Variants in DNAJC1 observed in about 807,000 individuals in gnomAD.
DNAJC1 encodes DnaJ heat shock protein family (Hsp40) member C1, also known as dnaJ homolog subfamily C member 1.
Under a neutral mutation model 76.6 loss-of-function variants are expected in DNAJC1, and 58 were observed. The ratio of observed to expected loss-of-function variants is 0.76; its 90% CI spans 0.61 to 0.94. The LOEUF is 0.94. DNAJC1 is among the 40% of genes least tolerant of loss of function. DNAJC1 has a pLI of 0.00. For synonymous variants in DNAJC1, 258 were observed against 267.9 expected (o/e 0.96, Z 0.36); for missense variants, 689 against 677.3 (o/e 1.02, Z -0.19).
rs561143181 is a variant in DNAJC1 at position 21,969,223 on chromosome 10, CAAAAAAAAAAA to C, written c.222+33979_222+33989del. 7.3e-3 allele frequency among the ~76,000 whole-genome samples: 635 copies of C among 87,078 alleles called. 4 individuals carry two copies. Among genetic ancestry groups the C allele is most frequent in the African/African-American group, 0.026 (585 of 22,446 alleles). The allele number at this position is 87,078 out of a possible 152,430, so 57.1% of individuals were successfully genotyped here. A position where few individuals can be genotyped will look rare whatever the true frequency, so the allele number is the denominator to read the frequency against. On this transcript the variant is annotated intron_variant, in intron 1 of 11. Coordinates refer to ENST00000376980, the MANE Select transcript of DNAJC1 (RefSeq NM_022365.4). ...TGGGCAATAGAGCGAGACTCCATTT[CAAAAAAAAAAA>C]AAAAAAAAAGGAGGAAAATCCTAGG...
At chr10:21,995,834 G>A (rs1008210742) in intron 1 of DNAJC1, among the ~76,000 whole-genome samples, 2 of 152,078 alleles carry the variant, frequency 1.3e-5, no homozygotes, top group Non-Finnish European at 2.9e-5. Flanking sequence ...GCTTAATTTA[G>A]TATTACATAA....
At chr10:21,795,624 T>C (rs1834742712) in intron 9 of DNAJC1, among the ~76,000 whole-genome samples, 2 of 152,206 alleles carry the variant, frequency 1.3e-5, no homozygotes, top group Admixed American at 1.3e-4. Flanking sequence ...ATTGTGGCGA[T>C]TTCACAACTC....
chr10:21,805,716 A>C (rs1347580201), intron 9 of DNAJC1, among the ~76,000 whole-genome samples: 1 of 152,186 alleles, frequency 6.6e-6, no homozygotes, highest in Non-Finnish European at 1.5e-5. Context: ...ATAAACATAA[A>C]AACTGGCATT....
chr10:21,813,212 C>CTATA (rs1564794844), intron 8 of DNAJC1, among the ~76,000 whole-genome samples: 34 of 52,068 alleles, frequency 6.5e-4, no homozygotes, highest in Admixed American at 7.7e-4. Flanking sequence ...CTCTCTCTCT[C>CTATA]TCTCTCTCTA....
At chr10:21,987,098 C>T (rs539167037) in intron 1 of DNAJC1, among the ~76,000 whole-genome samples, 7 of 152,128 alleles carry the variant, frequency 4.6e-5, no homozygotes, top group Non-Finnish European at 8.8e-5. Flanking sequence ...CATATCAATT[C>T]GGAAGCCAAA....
At chr10:21,959,745 C>T (rs1041114252) in intron 1 of DNAJC1, among the ~76,000 whole-genome samples, 17 of 149,974 alleles carry the variant, frequency 1.1e-4, no homozygotes, top group Middle Eastern at 3.5e-3. Context: ...GGGATAGTGC[C>T]GCTTCACTTC....
chr10:21,913,427 C>T (rs183734477), intron 6 of DNAJC1, among the ~76,000 whole-genome samples: 64 of 152,190 alleles, frequency 4.2e-4, no homozygotes, highest in African/African-American at 1.3e-3. Flanking sequence ...ATATGTGGCA[C>T]TTCCTGATTT....
chr10:21,842,956 ATAG>A (rs1835597185), intron 8 of DNAJC1, among the ~76,000 whole-genome samples: 3 of 152,204 alleles, frequency 2.0e-5, no homozygotes, highest in Admixed American at 2.0e-4. Flanking sequence ...TACCTTATAC[ATAG>A]TAGTCAACAG....
intron 8 of DNAJC1, among the ~76,000 whole-genome samples, chr10:21,844,259 C>A (rs892157019): frequency 7.4e-5 from 11 of 148,502 alleles, no homozygotes; most frequent in Non-Finnish European, 1.0e-4. Flanking sequence ...CGCCACCACA[C>A]CTGGCTAATT....
chr10:21,943,242 G>C (rs1178084007), intron 1 of DNAJC1, among the ~76,000 whole-genome samples: 6 of 151,904 alleles, frequency 3.9e-5, no homozygotes, highest in Non-Finnish European at 2.9e-5. Context: ...CCAAAACAAA[G>C]TAGGAAGAAG....
At chr10:21,902,505 A>G (rs1286811670) in intron 7 of DNAJC1, among the ~76,000 whole-genome samples, 1 of 152,016 alleles carries the variant, frequency 6.6e-6, no homozygotes, top group African/African-American at 2.4e-5. Context: ...GGGTTTCACC[A>G]TGTTGTCCAG....
chr10:21,770,173 T>A (rs763295349), intron 9 of DNAJC1, among the ~76,000 whole-genome samples: 4 of 152,114 alleles, frequency 2.6e-5, no homozygotes, highest in Non-Finnish European at 5.9e-5. Context: ...CTCCACCACC[T>A]GCACTAGTCC....
chr10:21,788,199 C>A (rs558533162), intron 9 of DNAJC1, among the ~76,000 whole-genome samples: 1 of 152,350 alleles, frequency 6.6e-6, no homozygotes, highest in Non-Finnish European at 1.5e-5. Flanking sequence ...CTGTCAGCTG[C>A]GGCTGTGCTC....
intron 1 of DNAJC1, among the ~76,000 whole-genome samples, chr10:21,956,145 A>G (rs1837677801): frequency 6.6e-6 from 1 of 152,190 alleles, no homozygotes; most frequent in Non-Finnish European, 1.5e-5. Context: ...CTTTCGCTGC[A>G]TCATCCCATG....
chr10:21,968,696 G>C (rs1008876840), intron 1 of DNAJC1, among the ~76,000 whole-genome samples: 1 of 151,888 alleles, frequency 6.6e-6, no homozygotes, highest in African/African-American at 2.4e-5. Context: ...ATTTTTAGTA[G>C]AGACAGGGTT....
chr10:21,775,198 T>A (rs1235616395), intron 9 of DNAJC1, among the ~76,000 whole-genome samples: 1 of 152,068 alleles, frequency 6.6e-6, no homozygotes, highest in Non-Finnish European at 1.5e-5. Context: ...TTACAACAGG[T>A]TCGTTAGATA....
chr10:21,952,527 G>A lies in DNAJC1; in HGVS notation c.223-23386C>T, dbSNP rs964180043. On this transcript the variant is annotated intron_variant, in intron 1 of 11. Transcript: ENST00000376980. Reference sequence around the variant, plus strand: ...AATCCCAACACTTTGGGAAGCAGACGCAGGCGATCACCTGGGGTCGGGAGT... The same window carrying A: ...AATCCCAACACTTTGGGAAGCAGACACAGGCGATCACCTGGGGTCGGGAGT... Among the ~76,000 whole-genome samples, 3 of 152,138 alleles carry A rather than the reference G, an allele frequency of 2.0e-5. 1 individual carries two copies. The South Asian group carries it at 6.2e-4, about 31-fold the overall frequency.
Position 22,003,611 on chromosome 10 carries a change from C to G in DNAJC1, c.-177G>C, listed in dbSNP as rs1310091882. On this transcript the variant is annotated 5_prime_UTR_variant, in exon 1 of 12. Transcript: ENST00000376980. Reference sequence around the variant, plus strand: ...AGAGCGCGGAGGCGGCGGGAGCCGGCTGCCGGACGGGCGGGTGGGTAGGCG... The same window carrying G: ...AGAGCGCGGAGGCGGCGGGAGCCGGGTGCCGGACGGGCGGGTGGGTAGGCG... The G allele has an allele frequency of 1.4e-6, 1 of 723,438 alleles. No homozygotes were observed. The highest frequency in any genetic ancestry group is 1.9e-5 in the African/African-American group (1 of 53,804). 44.8% of individuals were successfully genotyped at this position (723,438 alleles called of 1,614,324 possible).
intron 1 of DNAJC1, among the ~76,000 whole-genome samples, chr10:21,991,978 G>C (rs1327467442): frequency 6.6e-6 from 1 of 152,196 alleles, no homozygotes; most frequent in Non-Finnish European, 1.5e-5. Flanking sequence ...CACGGATTTT[G>C]CTGACTTAGT....
Sources: gnomAD v4.1 joint callset for allele counts (sites outside exome capture counted in the v4.1 genomes callset) on GRCh38, gnomAD v4.1.1 for gene constraint, MANE v1.5 for transcripts, NCBI Gene and HGNC (gene_info 2026-07-23, HGNC 2026-07-21) for gene names.